Variants in CYTL1 observed in about 807,000 individuals in gnomAD.
The protein encoded by CYTL1 is cytokine like 1.
Under a neutral mutation model 13.1 loss-of-function variants are expected in CYTL1, and 17 were observed. The observed-to-expected ratio is 1.29, with a 90% CI of 0.89 to 1.94. CYTL1 has a LOEUF of 1.94. Ranked by LOEUF, CYTL1 falls within the 30% of genes most tolerant of loss-of-function variation. The pLI, the probability that CYTL1 is intolerant of heterozygous loss-of-function variation, is 0.00. For synonymous variants in CYTL1, 91 were observed against 79.4 expected, an observed-to-expected ratio of 1.15 and a Z score of -0.78; for missense variants, 213 against 174.8, an observed-to-expected ratio of 1.22 and a Z score of -1.23.
intron 3 of CYTL1, among the ~76,000 whole-genome samples, chr4:5,016,130 G>T (rs959516900): frequency 6.6e-6 from 1 of 152,090 alleles, no homozygotes; most frequent in Non-Finnish European, 1.5e-5. Flanking sequence ...TTATTGCAGG[G>T]GTGGCTTTGT....
intron 1 of CYTL1, among the ~76,000 whole-genome samples, chr4:5,018,390 G>GA (rs1741124584): frequency 1.3e-5 from 2 of 152,024 alleles, no homozygotes; most frequent in South Asian, 4.2e-4. Context: ...TATAATTAGG[G>GA]AAAAAATACA....
In CYTL1 at chr4:5,019,373, G is replaced by C. The variant is rs755305656; in HGVS notation, c.73C>G (p.Pro25Ala). ...AGAPAARPTP[P>A]TCYSRMRALS... ...GCCCGCATGCGGGAGTAGCAGGTCG[G>C]GGGAGTGGGCCGCGCGGCGGGGGCT... Residue 25 changes from proline to alanine, a missense_variant, in exon 1 of 4, where the codon CCG becomes GCG. Physicochemically the swap from Pro to Ala is conservative, Grantham distance 27. Transcript: ENST00000307746. The C allele has an allele frequency of 1.3e-6, 2 of 1,515,082 alleles. No individual in the cohort carries two copies. The highest frequency in any genetic ancestry group is 2.9e-5 in the African/African-American group (2 of 68,314). 93.9% of individuals were successfully genotyped at this position (1,515,082 alleles called of 1,614,324 possible).
chr4:5,019,265 C>G (rs1432068149), intron 1 of CYTL1, 28 bp downstream of exon 1: 3 of 1,450,774 alleles, frequency 2.1e-6, no homozygotes, highest in Non-Finnish European at 2.7e-6. Context: ...TGCCATGCAC[C>G]CCTGTCCTGA....
rs745376568 is a variant in CYTL1 at position 5,019,385 on chromosome 4, G to C, written c.61C>G (p.Arg21Gly). 6.7e-7 allele frequency: 1 copy of C among 1,499,232 alleles called. No individual in the cohort carries two copies. The highest frequency in any genetic ancestry group is 1.3e-5 in the South Asian group (1 of 76,320). 92.9% of individuals were successfully genotyped at this position (1,499,232 alleles called of 1,614,324 possible). A position where few individuals can be genotyped will look rare whatever the true frequency, so the allele number is the denominator to read the frequency against. Residue 21 changes from arginine (R) to glycine (G), a missense_variant, in exon 1 of 4, where the codon CGG (arginine) becomes GGG (glycine). By Grantham distance (125) the Arg-to-Gly change is moderately radical. Coordinates refer to ENST00000307746, the MANE Select transcript of CYTL1 (RefSeq NM_018659.3). ...GAGTAGCAGGTCGGGGGAGTGGGCCGCGCGGCGGGGGCTCCCGCCAGGAGC... is the reference window on the plus strand; with the variant it reads ...GAGTAGCAGGTCGGGGGAGTGGGCCCCGCGGCGGGGGCTCCCGCCAGGAGC... Reference protein sequence around the residue: ...LLLLAGAPAARPTPPTCYSRM... With the variant: ...LLLLAGAPAAGPTPPTCYSRM...
At chr4:5,017,254 C>T in intron 1 of CYTL1, 75 bp from the exon 2 acceptor site, 1 of 1,463,180 alleles carries the variant, frequency 6.8e-7, no homozygotes, top group Non-Finnish European at 9.4e-7. Flanking sequence ...TAGTGGCCCT[C>T]TCAACAGCCA....
chr4:5,016,403 C>T (rs1475583969), intron 3 of CYTL1, among the ~76,000 whole-genome samples: 1 of 152,234 alleles, frequency 6.6e-6, no homozygotes, highest in African/African-American at 2.4e-5. Context: ...TCAGGGCTCT[C>T]TGATGCTGAA....
chr4:5,019,393 G>T lies in CYTL1; in HGVS notation c.53C>A (p.Pro18His). 6.7e-7 allele frequency: 1 copy of T among 1,496,514 alleles called. No individual in the cohort carries two copies. The highest frequency in any genetic ancestry group is 1.3e-5 in the South Asian group (1 of 76,222). 92.7% of individuals were successfully genotyped at this position (1,496,514 alleles called of 1,614,324 possible). ...GGTCGGGGGAGTGGGCCGCGCGGCG[G>T]GGGCTCCCGCCAGGAGCAGCAGCAG... is the stretch of plus-strand genomic sequence containing the variant. The part of the protein sequence containing the change: ...PVLLLLLAGA[P>H]AARPTPPTCY... The change falls in exon 1 of 4, where the codon CCC (proline) becomes CAC (histidine). Residue 18 changes from proline to histidine, a missense_variant. By Grantham distance (77) the Pro-to-His change is moderately conservative. Coordinates refer to ENST00000307746, the MANE Select transcript of CYTL1 (RefSeq NM_018659.3).
Position 5,016,834 on chromosome 4 carries a change from A to C in CYTL1, c.327+2T>G. The C allele has an allele frequency of 1.2e-6, 2 of 1,613,776 alleles. No homozygotes were observed. Among genetic ancestry groups the C allele is most frequent in the Non-Finnish European group, 1.7e-6 (2 of 1,179,922 alleles). On this transcript the variant is annotated splice_donor_variant, in intron 3 of 3. Transcript: ENST00000307746. LOFTEE classifies it high-confidence loss of function. ...AATAGACTTTCAATGGCATCCACTT[A>C]CTCTCCTGCAGAACGAGTTCATGAT... is the stretch of plus-strand genomic sequence containing the variant.
At position 5,014,951 on chromosome 4, in the gene CYTL1, G is replaced by A. The variant is rs140417346; in HGVS notation, c.*200C>T. On this transcript the variant is annotated 3_prime_UTR_variant, in exon 4 of 4. Coordinates refer to ENST00000307746, the MANE Select transcript of CYTL1 (RefSeq NM_018659.3). Reference sequence around the variant, plus strand: ...GGCAAGACATGAGTCAAGGGAATGAGAAGCATGGTTGCTAACTCTATGCTC... The same window carrying A: ...GGCAAGACATGAGTCAAGGGAATGAAAAGCATGGTTGCTAACTCTATGCTC... 2 of 582,314 alleles carry A rather than the reference G, an allele frequency of 3.4e-6. No homozygotes were observed. Among genetic ancestry groups the A allele is most frequent in the African/African-American group, 3.7e-5 (2 of 53,348 alleles). 36.1% of individuals were successfully genotyped at this position (582,314 alleles called of 1,614,324 possible).
In CYTL1 at chr4:5,014,858, A is replaced by G. The variant is rs1198575992; in HGVS notation, c.*293T>C. On this transcript the variant is annotated 3_prime_UTR_variant, in exon 4 of 4. Coordinates refer to ENST00000307746, the MANE Select transcript of CYTL1 (RefSeq NM_018659.3). ...AGTTCTCAAAATAGTTGTTCATAAA[A>G]GTGAAGCTTGTTAGTCCTTTTCTTC... 5.4e-6 allele frequency: 2 copies of G among 372,726 alleles called. No individual in the cohort carries two copies. Among genetic ancestry groups the G allele is most frequent in the Non-Finnish European group, 9.9e-6 (2 of 202,874 alleles). 23.1% of individuals were successfully genotyped at this position (372,726 alleles called of 1,614,324 possible).
In CYTL1 at chr4:5,016,883, C is replaced by T. The variant is rs755877665; in HGVS notation, c.280G>A (p.Asp94Asn). 50 of 1,614,218 alleles carry T rather than the reference C, an allele frequency of 3.1e-5. 3 individuals are homozygous for T. In the South Asian group the frequency reaches 5.4e-4, roughly 17 times the overall value. ...ATGGTGTACAGCTTCCGTGCTTTGTCCTTCAAGGAATCTACCTGGGCCACT... is the reference window on the plus strand; with the variant it reads ...ATGGTGTACAGCTTCCGTGCTTTGTTCTTCAAGGAATCTACCTGGGCCACT... ...WKVAQVDSLK[D>N]KARKLYTIMN... is the part of the protein sequence containing the mutation. Residue 94 changes from aspartate to asparagine, a missense_variant, in exon 3 of 4, where the codon GAC (aspartate) becomes AAC (asparagine). By Grantham distance (23) the Asp-to-Asn change is conservative (BLOSUM62 1). Coordinates refer to ENST00000307746, the MANE Select transcript of CYTL1 (RefSeq NM_018659.3).
At chr4:5,019,272 C>A in intron 1 of CYTL1, 21 bp downstream of exon 1, 1 of 1,458,778 alleles carries the variant, frequency 6.9e-7, no homozygotes, top group East Asian at 2.8e-5. Flanking sequence ...CACCCCTGTC[C>A]TGAGCGGGCG....
intron 1 of CYTL1, 78 bp downstream of exon 1, chr4:5,019,215 T>C (rs541595665): frequency 3.2e-4 from 369 of 1,170,266 alleles, no homozygotes; most frequent in Admixed American, 5.7e-4. Flanking sequence ...CTCTCTCTCT[T>C]TTTTTTTTCG....
intron 1 of CYTL1, among the ~76,000 whole-genome samples, chr4:5,017,593 A>G (rs1188454706): frequency 6.6e-6 from 1 of 150,898 alleles, no homozygotes; most frequent in African/African-American, 2.4e-5. Context: ...TAACAGTTGT[A>G]TAAGTTAGTT....
chr4:5,015,216 C>G lies in CYTL1; in HGVS notation c.346G>C (p.Asp116His). 1 of 1,613,424 alleles carries G rather than the reference C, an allele frequency of 6.2e-7. No homozygotes were observed. The highest frequency in any genetic ancestry group is 1.1e-5 in the South Asian group (1 of 90,820). ...FCRRDLVFLL[D>H]DCNALEYPIP... ...GGGTATTCCAAGGCATTGCAGTCAT[C>G]CAACAGGAATACCAAATCCTGAAAA... The change falls in exon 4 of 4, where the codon GAT (aspartate) becomes CAT (histidine). Residue 116 changes from aspartate (D) to histidine (H), a missense_variant. Coordinates refer to ENST00000307746, the MANE Select transcript of CYTL1 (RefSeq NM_018659.3).
rs561709284 is a variant in CYTL1, at chr4:5,016,293, T to A, written c.327+543A>T. Among the ~76,000 whole-genome samples, 209 of 152,248 alleles carry A rather than the reference T, an allele frequency of 1.4e-3. 1 individual carries two copies. The highest frequency in any genetic ancestry group is 4.3e-3 in the African/African-American group (178 of 41,552). On this transcript the variant is annotated intron_variant, in intron 3 of 3. Coordinates refer to ENST00000307746, the MANE Select transcript of CYTL1 (RefSeq NM_018659.3). ...CATAAGCTAAACAAACATCTTTTTT[T>A]AAAAAATAACTGACCCAGTCTGTGG...
intron 3 of CYTL1, among the ~76,000 whole-genome samples, chr4:5,016,488 C>A (rs1051243336): frequency 6.6e-6 from 1 of 152,178 alleles, no homozygotes. Context: ...TTTACCCTCT[C>A]CTACCGGAAT....
intron 1 of CYTL1, among the ~76,000 whole-genome samples, chr4:5,017,630 T>C (rs1020010300): frequency 2.0e-5 from 3 of 150,170 alleles, no homozygotes; most frequent in African/African-American, 7.3e-5. Flanking sequence ...AATAATATAC[T>C]TATATAATAA....
Position 5,015,071 on chromosome 4 carries a change from G to T in CYTL1, c.*80C>A. The T allele has an allele frequency of 8.8e-7, 1 of 1,132,752 alleles. No homozygotes were observed. Among genetic ancestry groups the T allele is most frequent in the Non-Finnish European group, 1.3e-6 (1 of 748,902 alleles). 70.2% of individuals were successfully genotyped at this position (1,132,752 alleles called of 1,614,324 possible). On this transcript the variant is annotated 3_prime_UTR_variant, in exon 4 of 4. Transcript: ENST00000307746. ...ATACAACTAACACAAGACCTGTGAG[G>T]GTCATGGCTCTGGCCCATTAAGTCT...
Sources: allele counts gnomAD v4.1 joint callset (sites outside exome capture counted in the v4.1 genomes callset), GRCh38; gene constraint gnomAD v4.1.1; transcripts MANE v1.5; gene names NCBI Gene and HGNC (gene_info 2026-07-23, HGNC 2026-07-21).